CRLF1: variants seen among roughly 807,000 people sequenced by gnomAD.
The protein encoded by CRLF1 is cytokine receptor-like factor 1.
A neutral mutation model predicts 48.9 loss-of-function variants in CRLF1; 36 were observed. The ratio of observed to expected loss-of-function variants is 0.74; its 90% CI spans 0.56 to 0.97. The LOEUF (loss-of-function observed/expected upper bound fraction) is 0.97, where lower values mean the gene tolerates loss of function less well. CRLF1 is among the 50% of genes least tolerant of loss of function. CRLF1 has a pLI of 0.00. For synonymous variants in CRLF1, 256 were observed against 253.4 expected, an observed-to-expected ratio of 1.01 and a Z score of -0.10; for missense variants, 534 against 575.1, an observed-to-expected ratio of 0.93 and a Z score of 0.73.
intron 2 of CRLF1, chr19:18,599,192 G>A (rs1171671889): frequency 1.4e-5 from 12 of 835,282 alleles, no homozygotes; most frequent in Non-Finnish European, 1.7e-5. Context: ...TGCAACTTCC[G>A]CCTCCTGGGT....
chr19:18,598,513 G>T lies in CRLF1; in HGVS notation c.616C>A (p.Pro206Thr). The T allele has an allele frequency of 1.2e-6, 2 of 1,614,152 alleles. No homozygotes were observed. Among genetic ancestry groups the T allele is most frequent in the Non-Finnish European group, 1.7e-6 (2 of 1,180,010 alleles). Residue 206 changes from proline (P) to threonine (T), a missense_variant, in exon 4 of 9, where the codon CCC becomes ACC. Physicochemically the swap from Pro to Thr is conservative, Grantham distance 38. Transcript: ENST00000392386. ...HIPKDLALFTPYEIWVEATNR... is the reference protein window; with the variant it reads ...HIPKDLALFTTYEIWVEATNR... ...GTGGCCTCCACCCAGATCTCATAGG[G>T]CGTAAAGAGAGCCAGGTCCTTGGGG... is the stretch of plus-strand genomic sequence containing the variant.
chr19:18,603,982 GGT>G (rs1240264818), intron 1 of CRLF1, among the ~76,000 whole-genome samples: 1 of 152,178 alleles, frequency 6.6e-6, no homozygotes, highest in African/African-American at 2.4e-5. Context: ...CATGAACTCG[GGT>G]GTGCCAGCGT....
chr19:18,594,088 G>C lies in CRLF1; in HGVS notation c.1232C>G (p.Ser411Trp). The C allele has an allele frequency of 2.3e-6, 3 of 1,279,516 alleles. No homozygotes were observed. Among genetic ancestry groups the C allele is most frequent in the Non-Finnish European group, 3.0e-6 (3 of 988,320 alleles). The allele number at this position is 1,279,516 out of a possible 1,614,324, so 79.3% of individuals were successfully genotyped here. ...TRNQDEGILP[S>W]GRRGTARGPA... The stretch of plus-strand genomic sequence containing the variant: ...ACCTCTCGCCGTGCCCCGTCTGCCC[G>C]AGGGCAGGATCCCCTCGTCCTGTGC... Residue 411 changes from serine (S) to tryptophan (W), a missense_variant, in exon 8 of 9, where the codon TCG (serine) becomes TGG (tryptophan). Around this residue, in one of 2 missense-constraint regions of CRLF1, gnomAD observed 528 missense variants for 555.7 expected, o/e 0.95. Transcript: ENST00000392386.
chr19:18,595,617 T>C (rs1759589211), intron 6 of CRLF1, among the ~76,000 whole-genome samples: 2 of 152,198 alleles, frequency 1.3e-5, no homozygotes, highest in African/African-American at 4.8e-5. Flanking sequence ...AACACTTAGG[T>C]GGCACCCACC....
intron 4 of CRLF1, among the ~76,000 whole-genome samples, chr19:18,597,850 C>T (rs1195371174): frequency 3.3e-5 from 5 of 151,628 alleles, no homozygotes; most frequent in East Asian, 1.9e-4. Context: ...AGGCAGGCTG[C>T]GGGGGCAGGG....
At chr19:18,603,905 T>C (rs906398226) in intron 1 of CRLF1, among the ~76,000 whole-genome samples, 1 of 10,416 alleles carries the variant, frequency 9.6e-5, no homozygotes, top group Non-Finnish European at 2.2e-4. Context: ...GGCGGGGGGC[T>C]GGGGGCCAGG....
At chr19:18,594,032 T>TTGGGGGAC in intron 8 of CRLF1, 33 bp downstream of exon 8, 1 of 695,814 alleles carries the variant, frequency 1.4e-6, no homozygotes, top group Non-Finnish European at 2.2e-6. Flanking sequence ...CTCCCCTTGC[T>TTGGGGGAC]CCCTCCCGCC....
At position 18,597,079 on chromosome 19, in the gene CRLF1, C is replaced by T. The variant is rs778045876; in HGVS notation, c.698-30G>A. On this transcript the variant is annotated intron_variant, in intron 4 of 8. Transcript: ENST00000392386. ...GGGGCAGAGGAGGGACCCTCTCAGC[C>T]TGGGACTGTCTGGGTTTAACTCCCC... 9 of 1,600,876 alleles carry T rather than the reference C, an allele frequency of 5.6e-6. No individual in the cohort carries two copies. In the Admixed American group the frequency reaches 1.2e-4, roughly 21 times the overall value.
In CRLF1 at chr19:18,606,701, G is replaced by C. The variant is rs1422092687; in HGVS notation, c.-45C>G. ...GCGCGCGGCGGGCTGCGGCTCGGCG[G>C]CGGTGGCGCAGGGCGCGGGACGCAG... On this transcript the variant is annotated 5_prime_UTR_variant, in exon 1 of 9. Transcript: ENST00000392386. The surrounding 1 kb of genome is among the most constrained non-coding windows in gnomAD (Gnocchi z 4.8). The C allele has an allele frequency of 1.8e-5, 6 of 338,444 alleles. No homozygotes were observed. Among genetic ancestry groups the C allele is most frequent in the Non-Finnish European group, 2.5e-5 (6 of 242,330 alleles). 21.0% of individuals were successfully genotyped at this position (338,444 alleles called of 1,614,324 possible).
rs1555759172 is a variant in CRLF1 at position 18,599,808 on chromosome 19, T to A, written c.154A>T (p.Ile52Phe). The A allele has an allele frequency of 1.9e-6, 3 of 1,570,170 alleles. No individual in the cohort carries two copies. ...VISPQDPTLLIGSSLLATCSV... is the reference protein window; with the variant it reads ...VISPQDPTLLFGSSLLATCSV... The stretch of plus-strand genomic sequence containing the variant: ...CAGGTGGCCAGCAGGGAGGAGCCGA[T>A]GAGAAGCGTGGGATCCTGGGGACTG... Residue 52 changes from isoleucine to phenylalanine, a missense_variant, in exon 2 of 9, where the codon ATC becomes TTC. This residue lies in a region of CRLF1 where 528 missense variants were observed against 555.7 expected (regional missense o/e 0.95). Coordinates refer to ENST00000392386, the MANE Select transcript of CRLF1 (RefSeq NM_004750.5).
At position 18,593,413 on chromosome 19, in the gene CRLF1, CAG is replaced by C. The variant is rs1568439207; in HGVS notation, c.*151_*152del. ...CCCAAAGGTGGCCTCACGTGGGAGTCAGAGCTGTTATGGCCGTTGGAGCTCAG... is the reference window on the plus strand; with the variant it reads ...CCCAAAGGTGGCCTCACGTGGGAGTCAGCTGTTATGGCCGTTGGAGCTCAG... On this transcript the variant is annotated 3_prime_UTR_variant, in exon 9 of 9. Coordinates refer to ENST00000392386, the MANE Select transcript of CRLF1 (RefSeq NM_004750.5). 9.3e-6 allele frequency: 10 copies of C among 1,075,558 alleles called. No individual in the cohort carries two copies. Among genetic ancestry groups the C allele is most frequent in the Admixed American group, 2.4e-5 (1 of 41,206 alleles). The allele number at this position is 1,075,558 out of a possible 1,614,324, so 66.6% of individuals were successfully genotyped here.
At chr19:18,595,769 G>A (rs555501643) in intron 6 of CRLF1, among the ~76,000 whole-genome samples, 24 of 152,240 alleles carry the variant, frequency 1.6e-4, no homozygotes, top group Non-Finnish European at 3.4e-4. Flanking sequence ...ACAAAAGAGA[G>A]ACTAGAGGCC....
At chr19:18,603,512 G>A (rs1009660723) in intron 1 of CRLF1, among the ~76,000 whole-genome samples, 4 of 152,222 alleles carry the variant, frequency 2.6e-5, no homozygotes, top group Non-Finnish European at 5.9e-5. Context: ...CTCAGCCGGG[G>A]AGGGAGGGAT....
At chr19:18,598,700 G>A (rs1390427643) in intron 3 of CRLF1, 72 bp downstream of exon 3, 2 of 1,613,804 alleles carry the variant, frequency 1.2e-6, no homozygotes, top group Admixed American at 3.3e-5. Flanking sequence ...TGGGGGCTCA[G>A]AGAGGGTCCG....
intron 8 of CRLF1, 185 bp from the exon 9 acceptor site, chr19:18,593,764 G>A (rs1251649118): frequency 2.0e-5 from 20 of 985,122 alleles, no homozygotes; most frequent in Non-Finnish European, 2.3e-5. Context: ...CACTTGGCGC[G>A]GAGCCAGTAT....
chr19:18,606,451 T>C lies in CRLF1; in HGVS notation c.115+91A>G, dbSNP rs1034149002. On this transcript the variant is annotated intron_variant, in intron 1 of 8. Coordinates refer to ENST00000392386, the MANE Select transcript of CRLF1 (RefSeq NM_004750.5). The surrounding 1 kb of genome is among the most constrained non-coding windows in gnomAD (Gnocchi z 4.8). ...TTCCTTTGTTCCCCGGCCGTCCAGG[T>C]GGCGCCCGCGCCCCCTCCCCCCGCG... 128 of 966,374 alleles carry C rather than the reference T, an allele frequency of 1.3e-4. No homozygotes were observed. The highest frequency in any genetic ancestry group is 1.5e-4 in the Non-Finnish European group (124 of 801,752). 59.9% of individuals were successfully genotyped at this position (966,374 alleles called of 1,614,324 possible).
Position 18,598,760 on chromosome 19 carries a change from GCCA to G in CRLF1, c.527+9_527+11del. The G allele has an allele frequency of 6.2e-7, 1 of 1,614,110 alleles. No homozygotes were observed. Among genetic ancestry groups the G allele is most frequent in the Non-Finnish European group, 8.5e-7 (1 of 1,179,978 alleles). On this transcript the variant is annotated intron_variant, in intron 3 of 8. Coordinates refer to ENST00000392386, the MANE Select transcript of CRLF1 (RefSeq NM_004750.5). Reference sequence around the variant, plus strand: ...CCTGGGACACACACATCGCCCTCAGGCCACCACCAACCTAAGCTTGTACTTGAG... The same window carrying G: ...CCTGGGACACACACATCGCCCTCAGGCCACCAACCTAAGCTTGTACTTGAG...
intron 4 of CRLF1, 144 bp downstream of exon 4, chr19:18,598,288 C>T: frequency 1.2e-6 from 1 of 837,942 alleles, no homozygotes; most frequent in Non-Finnish European, 1.8e-6. Context: ...TCCCTCTGAC[C>T]AGCAGGGACA....
intron 8 of CRLF1, chr19:18,593,807 A>G (rs1001800403): frequency 2.0e-6 from 2 of 985,352 alleles, no homozygotes; most frequent in Admixed American, 6.1e-5. Context: ...AACTAGGGTG[A>G]GTATGTTCAT....
Sources: allele counts gnomAD v4.1 joint callset (sites outside exome capture counted in the v4.1 genomes callset), GRCh38; gene constraint gnomAD v4.1.1; regional missense constraint gnomAD v4.1.1; non-coding constraint Gnocchi (gnomAD v3.1); transcripts MANE v1.5; gene names NCBI Gene and HGNC (gene_info 2026-07-23, HGNC 2026-07-21).